The following ESRP1 variants were observed in gnomAD, a reference collection of about 807,000 sequenced individuals.
ESRP1 encodes the protein RNA-binding motif protein 35A.
A neutral mutation model predicts 81.7 loss-of-function variants in ESRP1; 33 were observed. The observed-to-expected ratio is 0.40, with a 90% confidence interval of 0.31 to 0.54. The LOEUF (loss-of-function observed/expected upper bound fraction) is 0.54, where lower values mean the gene tolerates loss of function less well. Among genes scored for constraint, ESRP1 ranks in the 20% least tolerant of loss-of-function variants. The probability of loss-of-function intolerance (pLI) is 0.41; values close to 1 mark genes in which losing one functional copy is unlikely to be tolerated. For missense variants in ESRP1, 672 were observed against 833.1 expected (o/e 0.81, Z 2.38); for synonymous variants, 320 against 303.3 (o/e 1.06, Z -0.57).
chr8:94,696,307 G>A (rs936956146), intron 14 of ESRP1, among the ~76,000 whole-genome samples: 5 of 152,090 alleles, frequency 3.3e-5, no homozygotes, highest in Non-Finnish European at 7.4e-5. Context: ...TACCATCAAT[G>A]CCTTTTACAT....
chr8:94,643,154 A>G (rs1365967654), intron 2 of ESRP1, 149 bp from the exon 3 acceptor site: 3 of 482,368 alleles, frequency 6.2e-6, no homozygotes, highest in African/African-American at 2.0e-5. Context: ...GGTTCGTGGG[A>G]AAGGAGTCTG....
At chr8:94,667,767 A>G (rs1029854216) in intron 9 of ESRP1, among the ~76,000 whole-genome samples, 182 bp from the exon 10 acceptor site, 9 of 152,178 alleles carry the variant, frequency 5.9e-5, no homozygotes, top group Non-Finnish European at 7.3e-5. Flanking sequence ...ATGTTTTATG[A>G]AAAAGGGGAG....
At chr8:94,697,106 GAATTA>G (rs2130729171) in intron 15 of ESRP1, 145 bp downstream of exon 15, 1 of 597,966 alleles carries the variant, frequency 1.7e-6, no homozygotes, top group East Asian at 2.9e-5. Context: ...ATGGAGACTA[GAATTA>G]AGTTTGTCAT....
rs1810104859 is a variant in ESRP1 at position 94,707,409 on chromosome 8, A to G, written c.*1520A>G. On this transcript the variant is annotated 3_prime_UTR_variant, in exon 16 of 16. Transcript: ENST00000433389. ...GATAGGCAGTAATGCTTACTACAAT[A>G]CTACTGAGTTTTTGTAGAGTTAACA... is the stretch of plus-strand genomic sequence containing the variant. The G allele has an allele frequency of 6.6e-6, 1 of 152,194 alleles. No homozygotes were observed. Among genetic ancestry groups the G allele is most frequent in the African/African-American group, 2.4e-5 (1 of 41,456 alleles). 9.4% of individuals were successfully genotyped at this position (152,194 alleles called of 1,614,324 possible).
rs1253149772 is a variant in ESRP1, at chr8:94,641,979, A to G, written c.156A>G (p.Leu52=). The G allele has an allele frequency of 9.3e-6, 15 of 1,613,994 alleles. No homozygotes were observed. Among genetic ancestry groups the G allele is most frequent in the East Asian group, 2.2e-5 (1 of 44,880 alleles). The change falls in exon 2 of 16, where the codon CTA becomes CTG. Residue 52 remains leucine, a synonymous_variant. Transcript: ENST00000433389. ...AGGTGGGACAGTTGCACGAAGTGCT[A>G]GTTAGACCGGATCAGTTGGAACTGA... ...NKKVGQLHEV[L]VRPDQLELTE...
At chr8:94,656,410 C>T (rs891789452) in intron 4 of ESRP1, among the ~76,000 whole-genome samples, 9 of 151,662 alleles carry the variant, frequency 5.9e-5, no homozygotes, top group African/African-American at 9.7e-5. Flanking sequence ...TTAGTAGAGA[C>T]GGGGGTTTCA....
At chr8:94,663,493 A>G (rs1006631349) in intron 6 of ESRP1, among the ~76,000 whole-genome samples, 1 of 151,908 alleles carries the variant, frequency 6.6e-6, no homozygotes, top group Admixed American at 6.6e-5. Flanking sequence ...TGATCTACCC[A>G]CCTTGACATC....
At chr8:94,661,795 G>A (rs1282425951) in intron 4 of ESRP1, among the ~76,000 whole-genome samples, 1 of 152,132 alleles carries the variant, frequency 6.6e-6, no homozygotes, top group African/African-American at 2.4e-5. Context: ...AGCAAAAGTG[G>A]CATTGTGGAA....
intron 1 of ESRP1, 73 bp from the exon 2 acceptor site, chr8:94,641,883 G>C: frequency 6.3e-7 from 1 of 1,582,306 alleles, no homozygotes; most frequent in Non-Finnish European, 8.6e-7. Context: ...CCCAGCAGGG[G>C]AGCGAGGGAG....
intron 4 of ESRP1, among the ~76,000 whole-genome samples, chr8:94,652,048 C>T (rs770602873): frequency 5.7e-5 from 7 of 121,948 alleles, no homozygotes; most frequent in African/African-American, 1.6e-4. Context: ...GAGTGCAGTG[C>T]GCAATCTTGG....
At position 94,705,984 on chromosome 8, in the gene ESRP1, T is replaced by C; in HGVS notation, c.*95T>C. ...AGACACAAGAAAACTTCTAGCAAAT[T>C]CAGGGGAAGTTTGTCTACACTCAGG... is the stretch of plus-strand genomic sequence containing the variant. On this transcript the variant is annotated 3_prime_UTR_variant, in exon 16 of 16. Coordinates refer to ENST00000433389, the MANE Select transcript of ESRP1 (RefSeq NM_017697.4). 6.6e-7 allele frequency: 1 copy of C among 1,524,884 alleles called. No homozygotes were observed. The allele number at this position is 1,524,884 out of a possible 1,614,324, so 94.5% of individuals were successfully genotyped here.
At chr8:94,704,959 T>C (rs996403771) in intron 15 of ESRP1, among the ~76,000 whole-genome samples, 1 of 151,988 alleles carries the variant, frequency 6.6e-6, no homozygotes, top group Admixed American at 6.6e-5. Flanking sequence ...TTAGTTTAAA[T>C]CCTGCATCTG....
intron 12 of ESRP1, among the ~76,000 whole-genome samples, chr8:94,676,328 G>A (rs1819582800): frequency 6.7e-6 from 1 of 148,988 alleles, no homozygotes; most frequent in African/African-American, 2.5e-5. Context: ...CTTCAGCCTG[G>A]GCGACAGTGA....
Position 94,642,015 on chromosome 8 carries a change from C to A in ESRP1, c.192C>A (p.Cys64Ter). ...RPDQLELTED[C>*]KEETKIDVES... ...ATCAGTTGGAACTGACGGAGGACTG[C>A]AAAGAAGAAACTAAAATAGACGTCG... Residue 64 changes from cysteine (C) to a stop codon, truncating the protein, a stop_gained, in exon 2 of 16, where the codon TGC becomes TGA. Coordinates refer to ENST00000433389, the MANE Select transcript of ESRP1 (RefSeq NM_017697.4). LOFTEE classifies it high-confidence loss of function. 1 of 1,614,012 alleles carries A rather than the reference C, an allele frequency of 6.2e-7. No homozygotes were observed. Among genetic ancestry groups the A allele is most frequent in the Non-Finnish European group, 8.5e-7 (1 of 1,179,886 alleles).
chr8:94,660,908 A>G (rs2130600627), intron 4 of ESRP1, among the ~76,000 whole-genome samples: 1 of 152,276 alleles, frequency 6.6e-6, no homozygotes, highest in Middle Eastern at 3.4e-3. Flanking sequence ...AAATTGCCAC[A>G]GCCATCCCAA....
At chr8:94,689,743 G>GTTCAAGTGA (rs1366682471) in intron 13 of ESRP1, among the ~76,000 whole-genome samples, 2 of 149,114 alleles carry the variant, frequency 1.3e-5, no homozygotes, top group African/African-American at 5.0e-5. Flanking sequence ...TGCCTCCTGG[G>GTTCAAGTGA]TTCAAGTGAT....
At chr8:94,668,813 G>GTGTGTGTGTGTGTGTGTGTGTGT (rs1489119099) in intron 10 of ESRP1, among the ~76,000 whole-genome samples, 20 of 151,434 alleles carry the variant, frequency 1.3e-4, no homozygotes, top group African/African-American at 2.4e-4. Flanking sequence ...GTGTGTTTGA[G>GTGTGTGTGTGTGTGTGTGTGTGT]ATGGGGTCTT....
intron 2 of ESRP1, 132 bp downstream of exon 2, chr8:94,642,216 G>A: frequency 8.6e-7 from 1 of 1,161,902 alleles, no homozygotes; most frequent in Non-Finnish European, 1.2e-6. Context: ...GTGGGTGGGA[G>A]CCCAGCCTGA....
At position 94,690,267 on chromosome 8, in the gene ESRP1, G is replaced by A. The variant is rs567544380; in HGVS notation, c.1821-2410G>A. ...TAGGATTACAGGCATGAGCTACAATGCCTGGCTAATTTTTTTTTTTTTTTT... is the reference window on the plus strand; with the variant it reads ...TAGGATTACAGGCATGAGCTACAATACCTGGCTAATTTTTTTTTTTTTTTT... On this transcript the variant is annotated intron_variant, in intron 13 of 15. Transcript: ENST00000433389. Among the ~76,000 whole-genome samples, 46 of 141,446 alleles carry A rather than the reference G, an allele frequency of 3.3e-4. 1 individual carries two copies. The South Asian group carries it at 1.0e-2, about 31-fold the overall frequency. The allele number at this position is 141,446 out of a possible 152,430, so 92.8% of individuals were successfully genotyped here. A position where few individuals can be genotyped will look rare whatever the true frequency, so the allele number is the denominator to read the frequency against.
Sources: gnomAD v4.1 joint callset for allele counts (sites outside exome capture counted in the v4.1 genomes callset) on GRCh38, gnomAD v4.1.1 for gene constraint, MANE v1.5 for transcripts, NCBI Gene and HGNC (gene_info 2026-07-23, HGNC 2026-07-21) for gene names.